The following C10orf53 variants were observed in gnomAD, a reference collection of about 807,000 sequenced individuals.
C10orf53 encodes chromosome 10 open reading frame 53.
A neutral mutation model predicts 9.4 loss-of-function variants in C10orf53; 8 were observed. That is an observed-to-expected ratio of 0.85 (90% CI 0.50 to 1.53). The LOEUF (loss-of-function observed/expected upper bound fraction) is 1.53, where lower values mean the gene tolerates loss of function less well. Among genes scored for constraint, C10orf53 ranks in the 40% most tolerant of loss-of-function variants. The probability of loss-of-function intolerance (pLI) is 0.00; values close to 1 mark genes in which losing one functional copy is unlikely to be tolerated. For synonymous variants in C10orf53, 48 were observed against 46.0 expected, an observed-to-expected ratio of 1.04 and a Z score of -0.18; for missense variants, 117 against 117.8, an observed-to-expected ratio of 0.99 and a Z score of 0.03.
intron 1 of C10orf53, among the ~76,000 whole-genome samples, chr10:49,689,068 G>A (rs772917630): frequency 3.9e-5 from 6 of 152,174 alleles, no homozygotes; most frequent in Non-Finnish European, 8.8e-5. Flanking sequence ...AGCTGTGCCT[G>A]GCATATTGTA....
At chr10:49,694,321 T>C (rs996872680) in intron 2 of C10orf53, 5 of 643,764 alleles carry the variant, frequency 7.8e-6, no homozygotes, top group East Asian at 5.5e-5. Flanking sequence ...AACATTCAAA[T>C]GAGAGCTTCT....
rs747890674 is a variant in C10orf53, at chr10:49,694,524, ATC to A, written c.218-12_218-11del. On this transcript the variant is annotated splice_polypyrimidine_tract_variant and intron_variant, in intron 2 of 2. Transcript: ENST00000374111. ...ATAAAGCTAACCAAAAGACAATTAT[ATC>A]TGTTTCCCTAGGAGGCGATGGTAAA... 24 of 1,613,988 alleles carry A rather than the reference ATC, an allele frequency of 1.5e-5. No individual in the cohort carries two copies. The highest frequency in any genetic ancestry group is 2.0e-5 in the Non-Finnish European group (24 of 1,179,964).
intron 2 of C10orf53, among the ~76,000 whole-genome samples, chr10:49,704,059 C>G (rs1395536093): frequency 6.6e-6 from 1 of 152,120 alleles, no homozygotes; most frequent in African/African-American, 2.4e-5. Context: ...CCAGATGGAG[C>G]AAATACTTAA....
intron 1 of C10orf53, among the ~76,000 whole-genome samples, chr10:49,693,047 ATATTT>A (rs1335208643): frequency 1.3e-5 from 2 of 152,190 alleles, no homozygotes; most frequent in African/African-American, 4.8e-5. Flanking sequence ...TATTGACTAT[ATATTT>A]TAAACATGTA....
chr10:49,683,161 T>A lies in C10orf53; in HGVS notation c.97+3367T>A, dbSNP rs144348590. Among the ~76,000 whole-genome samples, 47 of 152,380 alleles carry A rather than the reference T, an allele frequency of 3.1e-4. 1 individual carries two copies. Among genetic ancestry groups the A allele is most frequent in the Middle Eastern group, 6.8e-3 (2 of 294 alleles). On this transcript the variant is annotated intron_variant, in intron 1 of 2. Coordinates refer to ENST00000374111, the MANE Select transcript of C10orf53 (RefSeq NM_001042427.3). The stretch of plus-strand genomic sequence containing the variant: ...GTTTTCCAAAGCAGCTGCACCATTT[T>A]ACATTCCCACTAGCAATGCACAAGG...
In C10orf53 at chr10:49,696,087, C is replaced by A. The variant is rs1342775585; in HGVS notation, c.*1485C>A. ...TTTCTTCTGTTTATGTCTGAATATTCATAAAGAGATAGACATATAGAAATT... is the reference window on the plus strand; with the variant it reads ...TTTCTTCTGTTTATGTCTGAATATTAATAAAGAGATAGACATATAGAAATT... On this transcript the variant is annotated 3_prime_UTR_variant, in exon 3 of 3. Transcript: ENST00000374111. The A allele has an allele frequency of 5.9e-5, 9 of 152,248 alleles. No homozygotes were observed. In the East Asian group the frequency reaches 1.7e-3, roughly 29 times the overall value. 9.4% of individuals were successfully genotyped at this position (152,248 alleles called of 1,614,324 possible). A position where few individuals can be genotyped will look rare whatever the true frequency, so the allele number is the denominator to read the frequency against.
downstream of C10orf53, among the ~76,000 whole-genome samples, chr10:49,698,020 G>A (rs1202116823): frequency 3.3e-5 from 5 of 152,180 alleles, no homozygotes; most frequent in African/African-American, 1.2e-4. Flanking sequence ...GCTGGAGGCT[G>A]TGGCTCACAC....
chr10:49,680,016 A>G (rs1047712947), intron 1 of C10orf53, among the ~76,000 whole-genome samples: 1 of 152,242 alleles, frequency 6.6e-6, no homozygotes, highest in Non-Finnish European at 1.5e-5. Context: ...AGTGCCCAGC[A>G]AATTACAGAA....
chr10:49,692,937 A>C (rs182234975), intron 1 of C10orf53, among the ~76,000 whole-genome samples: 1 of 152,356 alleles, frequency 6.6e-6, no homozygotes, highest in Non-Finnish European at 1.5e-5. Context: ...GCAATCTGGA[A>C]AATGCTGAAA....
chr10:49,702,580 T>C (rs1223842514), intron 2 of C10orf53, among the ~76,000 whole-genome samples: 2 of 152,244 alleles, frequency 1.3e-5, no homozygotes. Flanking sequence ...CTTACACCAC[T>C]GGCTCTCCTG....
chr10:49,708,166 G>T (rs754930609), intron 2 of C10orf53, among the ~76,000 whole-genome samples: 1 of 152,064 alleles, frequency 6.6e-6, no homozygotes, highest in Non-Finnish European at 1.5e-5. Flanking sequence ...AATCTCAATG[G>T]TTAAGTCAGG....
chr10:49,703,598 A>C (rs1840700879), intron 2 of C10orf53, among the ~76,000 whole-genome samples: 1 of 152,216 alleles, frequency 6.6e-6, no homozygotes, highest in Non-Finnish European at 1.5e-5. Flanking sequence ...TGCCTGCTAC[A>C]TGCAGTGAAG....
intron 2 of C10orf53, among the ~76,000 whole-genome samples, chr10:49,703,297 T>C (rs1324784800): frequency 2.0e-5 from 3 of 152,218 alleles, no homozygotes; most frequent in Admixed American, 6.5e-5. Context: ...CTGCACTTCA[T>C]TGAATTTCTT....
At chr10:49,681,713 T>G (rs947978974) in intron 1 of C10orf53, among the ~76,000 whole-genome samples, 8 of 152,226 alleles carry the variant, frequency 5.3e-5, no homozygotes, top group Non-Finnish European at 7.3e-5. Flanking sequence ...AGCCACCTTC[T>G]CTTTTGTCCT....
intron 1 of C10orf53, among the ~76,000 whole-genome samples, chr10:49,686,215 G>T (rs906143255): frequency 6.6e-6 from 1 of 152,128 alleles, no homozygotes; most frequent in Admixed American, 6.5e-5. Flanking sequence ...AAATTGTGAA[G>T]ATTTCATGGA....
At chr10:49,708,411 A>G (rs1244883720) in exon 3 of C10orf53, 7 of 1,614,070 alleles carry the variant, frequency 4.3e-6, no homozygotes, top group Non-Finnish European at 5.9e-6. Context: ...CTCCAGGCTG[A>G]CATTTCACCA....
intron 1 of C10orf53, among the ~76,000 whole-genome samples, chr10:49,690,452 A>C (rs1840572758): frequency 6.6e-6 from 1 of 152,286 alleles, no homozygotes; most frequent in African/African-American, 2.4e-5. Context: ...TTAAAATTAC[A>C]GCTCTTTATC....
chr10:49,708,883 C>T (rs935117069), exon 3 of C10orf53: 6 of 526,134 alleles, frequency 1.1e-5, no homozygotes, highest in Non-Finnish European at 2.0e-5. Flanking sequence ...TGGGGACAGC[C>T]CCCACCATCT....
rs997469105 is a variant in C10orf53 at position 49,697,341 on chromosome 10, C to T, written c.*2739C>T. Among the ~76,000 whole-genome samples, 9 of 152,186 alleles carry T rather than the reference C, an allele frequency of 5.9e-5. No homozygotes were observed. The highest frequency in any genetic ancestry group is 1.9e-4 in the African/African-American group (8 of 41,438). ...TTGCCTCCCTCTCTCGAGCACGCACCTCCCTGCCCAGAAGCAAGAGACACA... is the reference window on the plus strand; with the variant it reads ...TTGCCTCCCTCTCTCGAGCACGCACTTCCCTGCCCAGAAGCAAGAGACACA... On this transcript the variant is annotated 3_prime_UTR_variant, in exon 3 of 3. Transcript: ENST00000374111.
Sources: allele counts gnomAD v4.1 joint callset (sites outside exome capture counted in the v4.1 genomes callset), GRCh38; gene constraint gnomAD v4.1.1; transcripts MANE v1.5; gene names NCBI Gene and HGNC (gene_info 2026-07-23, HGNC 2026-07-21).